Variants in CFAP418 observed in about 807,000 individuals in gnomAD.
CFAP418 encodes the protein cilia and flagella associated protein 418.
In CFAP418, 27 loss-of-function variants were observed where a neutral mutation model predicts 24.7. The observed-to-expected ratio is 1.09, with a 90% CI of 0.81 to 1.51. The LOEUF (loss-of-function observed/expected upper bound fraction) is 1.51, where lower values mean the gene tolerates loss of function less well. CFAP418 is among the 40% of genes most tolerant of loss of function. CFAP418 has a pLI of 0.00. For missense variants in CFAP418, 257 were observed against 255.2 expected, an observed-to-expected ratio of 1.01 and a Z score of -0.05; for synonymous variants, 74 against 87.3, an observed-to-expected ratio of 0.85 and a Z score of 0.85.
At chr8:95,263,364 CTGTT>C (rs1249836221) in intron 2 of CFAP418, among the ~76,000 whole-genome samples, 1 of 149,100 alleles carries the variant, frequency 6.7e-6, no homozygotes, top group East Asian at 2.0e-4. Context: ...ACAATGAAAG[CTGTT>C]TGTTTTTGGC....
In CFAP418 at chr8:95,252,290, A is replaced by G; in HGVS notation, c.375-7T>C. On this transcript the variant is annotated splice_region_variant and splice_polypyrimidine_tract_variant and intron_variant, in intron 4 of 5. Transcript: ENST00000286688. ...ACGCAGATGGTCACATGCTCTGTTC[A>G]GAGAAAAAAAATTGTATATTAAAGA... is the stretch of plus-strand genomic sequence containing the variant. 1 of 1,596,268 alleles carries G rather than the reference A, an allele frequency of 6.3e-7. No individual in the cohort carries two copies. Among genetic ancestry groups the G allele is most frequent in the Non-Finnish European group, 8.5e-7 (1 of 1,169,796 alleles).
At chr8:95,251,367 G>A (rs1811704610) in intron 5 of CFAP418, among the ~76,000 whole-genome samples, 1 of 152,236 alleles carries the variant, frequency 6.6e-6, no homozygotes, top group African/African-American at 2.4e-5. Flanking sequence ...AAGAGGTAAA[G>A]AGGTTGTACA....
rs781041440 is a variant in CFAP418 at position 95,269,163 on chromosome 8, C to T, written c.27G>A (p.Leu9=). The change falls in exon 1 of 6, where the codon TTG becomes TTA. Residue 9 remains leucine, a synonymous_variant. Coordinates refer to ENST00000286688, the MANE Select transcript of CFAP418 (RefSeq NM_177965.4). MAEDLDEL[L]DEVESKFCTP... is the part of the protein sequence containing the mutation. ...TGCAAAACTTGGACTCGACTTCATC[C>T]AAGAGCTCGTCCAGGTCCTCCGCCA... The T allele has an allele frequency of 6.2e-6, 10 of 1,614,108 alleles. No homozygotes were observed.
At chr8:95,255,025 T>TCA (rs1811765055) in intron 4 of CFAP418, among the ~76,000 whole-genome samples, 1 of 152,208 alleles carries the variant, frequency 6.6e-6, no homozygotes, top group Admixed American at 6.5e-5. Flanking sequence ...ACCACGCAGG[T>TCA]CACAGCTCCC....
rs752511633 is a variant in CFAP418 at position 95,247,813 on chromosome 8, A to C, written c.471-43T>G. Reference sequence around the variant, plus strand: ...AAGTTTTAGCATAGTGGCTTTGTTCAGTGCTTAATGATTAAAAAAAAAAAA... The same window carrying C: ...AAGTTTTAGCATAGTGGCTTTGTTCCGTGCTTAATGATTAAAAAAAAAAAA... On this transcript the variant is annotated intron_variant, in intron 5 of 5. Transcript: ENST00000286688. 2.7e-6 allele frequency: 4 copies of C among 1,477,266 alleles called. 1 individual carries two copies. The South Asian group carries it at 5.5e-5, about 20-fold the overall frequency. The allele number at this position is 1,477,266 out of a possible 1,614,324, so 91.5% of individuals were successfully genotyped here. A position where few individuals can be genotyped will look rare whatever the true frequency, so the allele number is the denominator to read the frequency against.
chr8:95,268,822 C>T, intron 1 of CFAP418: 1 of 421,716 alleles, frequency 2.4e-6, no homozygotes, highest in Non-Finnish European at 4.2e-6. Flanking sequence ...TGCCGGGGGG[C>T]GGAGTCTGCG....
chr8:95,247,850 CTTTCT>C (rs1411169368), intron 5 of CFAP418, 80 bp from the exon 6 acceptor site: 24 of 1,294,568 alleles, frequency 1.9e-5, no homozygotes, highest in South Asian at 1.1e-4. Context: ...AAGGTCATTG[CTTTCT>C]TTTCTTTTCT....
chr8:95,265,843 G>A (rs577261676), intron 1 of CFAP418, among the ~76,000 whole-genome samples: 2 of 152,294 alleles, frequency 1.3e-5, no homozygotes, highest in East Asian at 3.8e-4. Flanking sequence ...TTAAAGGACT[G>A]TATAAGACTC....
intron 4 of CFAP418, among the ~76,000 whole-genome samples, chr8:95,254,680 G>A (rs1811759493): frequency 2.0e-5 from 3 of 152,216 alleles, no homozygotes; most frequent in African/African-American, 7.2e-5. Flanking sequence ...GTGGTTCTCT[G>A]TTAAATCCTA....
chr8:95,263,899 A>T, intron 1 of CFAP418, 125 bp from the exon 2 acceptor site: 1 of 587,444 alleles, frequency 1.7e-6, no homozygotes, highest in Non-Finnish European at 3.0e-6. Flanking sequence ...AGTGATTTTA[A>T]TTTTTTTCAC....
At chr8:95,253,792 T>C (rs987065129) in intron 4 of CFAP418, among the ~76,000 whole-genome samples, 1 of 152,172 alleles carries the variant, frequency 6.6e-6, no homozygotes, top group African/African-American at 2.4e-5. Flanking sequence ...AAATTGATAG[T>C]TCCCAAAGCT....
At chr8:95,258,990 T>G (rs1436258194) in intron 4 of CFAP418, among the ~76,000 whole-genome samples, 1 of 152,196 alleles carries the variant, frequency 6.6e-6, no homozygotes, top group Non-Finnish European at 1.5e-5. Context: ...GACTTATGAC[T>G]AATGACATAT....
intron 4 of CFAP418, 53 bp from the exon 5 acceptor site, chr8:95,252,336 C>A: frequency 8.7e-7 from 1 of 1,148,798 alleles, no homozygotes; most frequent in South Asian, 1.3e-5. Flanking sequence ...CTTTAAATAC[C>A]AATGAAAACA....
intron 2 of CFAP418, among the ~76,000 whole-genome samples, chr8:95,260,802 G>A (rs62524387): frequency 0.15 from 22,961 of 152,136 alleles, 1,867 homozygotes; most frequent in South Asian, 0.24. Context: ...AAGATTTAGA[G>A]TCACTTTATA....
intron 5 of CFAP418, among the ~76,000 whole-genome samples, chr8:95,251,328 A>C (rs1367670318): frequency 6.6e-6 from 1 of 152,214 alleles, no homozygotes; most frequent in Non-Finnish European, 1.5e-5. Flanking sequence ...GGTAGGGTTT[A>C]GGTAGATAAA....
At chr8:95,264,219 G>A (rs1467913887) in intron 1 of CFAP418, among the ~76,000 whole-genome samples, 1 of 152,170 alleles carries the variant, frequency 6.6e-6, no homozygotes, top group Non-Finnish European at 1.5e-5. Flanking sequence ...CGAAGGTCAT[G>A]TAATCAAATG....
At chr8:95,256,217 G>C (rs1404282169) in intron 4 of CFAP418, among the ~76,000 whole-genome samples, 2 of 152,166 alleles carry the variant, frequency 1.3e-5, no homozygotes, top group East Asian at 3.8e-4. Flanking sequence ...AAGTAAACCA[G>C]AATGTATTTT....
intron 1 of CFAP418, among the ~76,000 whole-genome samples, chr8:95,267,033 A>T (rs924263513): frequency 1.3e-5 from 2 of 152,228 alleles, no homozygotes; most frequent in Non-Finnish European, 2.9e-5. Context: ...GAAAAGTACT[A>T]AAGAAATTGC....
In CFAP418 at chr8:95,245,205, T is replaced by C. The variant is rs922484784; in HGVS notation, c.*2412A>G. On this transcript the variant is annotated 3_prime_UTR_variant, in exon 6 of 6. Transcript: ENST00000286688. ...CTATACTGATACTAAAATAGTTTCA[T>C]TTTCAGCTTAAATTACAACAGTTAA... 3 of 152,182 alleles carry C rather than the reference T, an allele frequency of 2.0e-5. No individual in the cohort carries two copies. The highest frequency in any genetic ancestry group is 4.8e-5 in the African/African-American group (2 of 41,454). The allele number at this position is 152,182 out of a possible 1,614,324, so 9.4% of individuals were successfully genotyped here.
Sources: gnomAD v4.1 joint callset for allele counts (sites outside exome capture counted in the v4.1 genomes callset) on GRCh38, gnomAD v4.1.1 for gene constraint, MANE v1.5 for transcripts, NCBI Gene and HGNC (gene_info 2026-07-23, HGNC 2026-07-21) for gene names.